The following MLLT1 variants were observed in gnomAD, a reference collection of about 807,000 sequenced individuals.
MLLT1 encodes protein ENL.
In MLLT1, 11 loss-of-function variants were observed where a neutral mutation model predicts 55.1. The ratio of observed to expected loss-of-function variants is 0.20; its 90% CI spans 0.13 to 0.33. The LOEUF (loss-of-function observed/expected upper bound fraction) is 0.33. Among genes scored for constraint, MLLT1 ranks in the 10% least tolerant of loss-of-function variants. The pLI, the probability that MLLT1 is intolerant of heterozygous loss-of-function variation, is 1.00. For synonymous variants in MLLT1, 323 were observed against 320.1 expected, an observed-to-expected ratio of 1.01 and a Z score of -0.10; for missense variants, 536 against 760.6, an observed-to-expected ratio of 0.70 and a Z score of 3.47.
At position 6,230,520 on chromosome 19, in the gene MLLT1, G is replaced by A; in HGVS notation, c.420+50C>T. On this transcript the variant is annotated intron_variant, in intron 4 of 11. Coordinates refer to ENST00000252674, the MANE Select transcript of MLLT1 (RefSeq NM_005934.4). The surrounding 1 kb of genome is among the most constrained non-coding windows in gnomAD (Gnocchi z 9.0). Reference sequence around the variant, plus strand: ...GCTGGGCACAGACGGCCGCAGCAAAGTAGCCTCGGTGGAGCGGCCCCTTGG... The same window carrying A: ...GCTGGGCACAGACGGCCGCAGCAAAATAGCCTCGGTGGAGCGGCCCCTTGG... 1.2e-6 allele frequency: 2 copies of A among 1,602,514 alleles called. No individual in the cohort carries two copies. The highest frequency in any genetic ancestry group is 4.5e-5 in the East Asian group (2 of 44,794).
rs2091015339 is a variant in MLLT1 at position 6,231,960 on chromosome 19, G to A, written c.277-1247C>T. Reference sequence around the variant, plus strand: ...TCATGGAAACAACGTGCATGGGCCGGGCGCGGTGGCTCACGCCTGTAACCC... The same window carrying A: ...TCATGGAAACAACGTGCATGGGCCGAGCGCGGTGGCTCACGCCTGTAACCC... On this transcript the variant is annotated intron_variant, in intron 3 of 11. Coordinates refer to ENST00000252674, the MANE Select transcript of MLLT1 (RefSeq NM_005934.4). The surrounding 1 kb of genome is among the most constrained non-coding windows in gnomAD (Gnocchi z 5.1). 6.6e-6 allele frequency among the ~76,000 whole-genome samples: 1 copy of A among 152,136 alleles called. No homozygotes were observed. Among genetic ancestry groups the A allele is most frequent in the Non-Finnish European group, 1.5e-5 (1 of 68,026 alleles).
chr19:6,239,506 G>C (rs1261494458), intron 3 of MLLT1, among the ~76,000 whole-genome samples: 2 of 152,168 alleles, frequency 1.3e-5, no homozygotes, highest in Admixed American at 1.3e-4. Context: ...CGGGCAGGGA[G>C]TTCAGAGGTG....
At position 6,213,105 on chromosome 19, in the gene MLLT1, G is replaced by A. The variant is rs752682249; in HGVS notation, c.1617C>T (p.Leu539=). Residue 539 remains leucine, a synonymous_variant, in exon 12 of 12, where the codon CTC becomes CTT. Coordinates refer to ENST00000252674, the MANE Select transcript of MLLT1 (RefSeq NM_005934.4). The stretch of plus-strand genomic sequence containing the variant: ...GCACGGTGGTCTCGTCCAGGGAGAA[G>A]AGGTCGAAGTCGAAGGTGGTGTTGG... ...NVTNTTFDFD[L]FSLDETTVRK... 4 of 1,613,958 alleles carry A rather than the reference G, an allele frequency of 2.5e-6. No individual in the cohort carries two copies. Among genetic ancestry groups the A allele is most frequent in the Non-Finnish European group, 3.4e-6 (4 of 1,179,880 alleles).
intron 3 of MLLT1, among the ~76,000 whole-genome samples, chr19:6,236,876 GC>G (rs1417353846): frequency 6.6e-6 from 1 of 152,230 alleles, no homozygotes; most frequent in African/African-American, 2.4e-5. Context: ...AGCGACTCCA[GC>G]CGGACTGTGC....
In MLLT1 at chr19:6,212,978, C is replaced by A; in HGVS notation, c.*64G>T. The A allele has an allele frequency of 6.3e-7, 1 of 1,587,878 alleles. No individual in the cohort carries two copies. The highest frequency in any genetic ancestry group is 8.6e-7 in the Non-Finnish European group (1 of 1,165,634). ...GGGCAGGCGAGACGGGAGAGGAGGG[C>A]AGGCGAGGCCTGGCTGCAGCCTCCC... On this transcript the variant is annotated 3_prime_UTR_variant, in exon 12 of 12. Coordinates refer to ENST00000252674, the MANE Select transcript of MLLT1 (RefSeq NM_005934.4).
intron 3 of MLLT1, among the ~76,000 whole-genome samples, chr19:6,247,527 A>G (rs2091179902): frequency 6.6e-6 from 1 of 152,254 alleles, no homozygotes; most frequent in African/African-American, 2.4e-5. Flanking sequence ...CCGTGTTGAT[A>G]CAAATAACTG....
intron 3 of MLLT1, among the ~76,000 whole-genome samples, chr19:6,261,126 AGGGGTGGCCCC>A (rs990374800): frequency 3.3e-5 from 5 of 152,226 alleles, no homozygotes; most frequent in African/African-American, 1.2e-4. Flanking sequence ...CACCTGGCAG[AGGGGTGGCCCC>A]ATAGGCCCAA....
In MLLT1 at chr19:6,270,505, G is replaced by A. The variant is rs1600219658; in HGVS notation, c.193+74C>T. The A allele has an allele frequency of 2.7e-6, 4 of 1,480,260 alleles. No individual in the cohort carries two copies. Among genetic ancestry groups the A allele is most frequent in the Non-Finnish European group, 3.6e-6 (4 of 1,097,834 alleles). 91.7% of individuals were successfully genotyped at this position (1,480,260 alleles called of 1,614,324 possible). On this transcript the variant is annotated intron_variant, in intron 2 of 11. Transcript: ENST00000252674. This position sits in a 1 kb window ranked among gnomAD's most constrained non-coding sequence, Gnocchi z 7.1. ...GGGTCCTGCTGCTCCTGAGGGAGGG[G>A]TGGAGCCTGGCCTTGGGAGGAGTGA...
At position 6,227,172 on chromosome 19, in the gene MLLT1, G is replaced by A; in HGVS notation, c.421-70C>T. Reference sequence around the variant, plus strand: ...GGGGGCCCACACGGGCCGGGCTGAAGGTGGTGGGGCTTCCCTCTGCAGGAG... The same window carrying A: ...GGGGGCCCACACGGGCCGGGCTGAAAGTGGTGGGGCTTCCCTCTGCAGGAG... On this transcript the variant is annotated intron_variant, in intron 4 of 11. Coordinates refer to ENST00000252674, the MANE Select transcript of MLLT1 (RefSeq NM_005934.4). This position sits in a 1 kb window ranked among gnomAD's most constrained non-coding sequence, Gnocchi z 5.1. 6.7e-7 allele frequency: 1 copy of A among 1,500,884 alleles called. No individual in the cohort carries two copies. Among genetic ancestry groups the A allele is most frequent in the South Asian group, 1.3e-5 (1 of 79,208 alleles). 93.0% of individuals were successfully genotyped at this position (1,500,884 alleles called of 1,614,324 possible).
chr19:6,271,649 C>T (rs948285602), intron 1 of MLLT1, among the ~76,000 whole-genome samples: 2 of 152,256 alleles, frequency 1.3e-5, no homozygotes, highest in South Asian at 2.1e-4. Context: ...TAAATATCCA[C>T]CCTGCTTTGT....
chr19:6,258,244 A>C, intron 3 of MLLT1, among the ~76,000 whole-genome samples: 1 of 149,636 alleles, frequency 6.7e-6, no homozygotes, highest in East Asian at 2.6e-4. Flanking sequence ...AAACAGCCCA[A>C]ACGTCTATCC....
intron 3 of MLLT1, among the ~76,000 whole-genome samples, chr19:6,233,694 A>G (rs1030470170): frequency 1.3e-5 from 2 of 152,228 alleles, no homozygotes; most frequent in African/African-American, 4.8e-5. Context: ...GAGGGATGCC[A>G]GGCCCTGGCG....
intron 3 of MLLT1, among the ~76,000 whole-genome samples, chr19:6,239,773 C>A (rs1055836570): frequency 6.6e-6 from 1 of 152,098 alleles, no homozygotes; most frequent in Admixed American, 6.5e-5. Context: ...TACACACCCA[C>A]TCACATCCAC....
rs2091409243 is a variant in MLLT1 at position 6,273,358 on chromosome 19, A to C, written c.13-2599T>G. Among the ~76,000 whole-genome samples, 1 of 152,192 alleles carries C rather than the reference A, an allele frequency of 6.6e-6. No homozygotes were observed. The stretch of plus-strand genomic sequence containing the variant: ...ATTCAGGTAACCCCAAGATCCGGGC[A>C]GCAGGGACATTCACGACCCCAGTGT... On this transcript the variant is annotated intron_variant, in intron 1 of 11. Transcript: ENST00000252674. This position sits in a 1 kb window ranked among gnomAD's most constrained non-coding sequence, Gnocchi z 4.3.
intron 3 of MLLT1, among the ~76,000 whole-genome samples, chr19:6,252,499 G>A (rs140489597): frequency 3.6e-3 from 551 of 152,308 alleles, no homozygotes; most frequent in Non-Finnish European, 5.7e-3. Flanking sequence ...GGTCAAAGAA[G>A]AAATCACTGG....
chr19:6,220,954 A>G (rs2090891551), intron 6 of MLLT1, among the ~76,000 whole-genome samples: 1 of 152,096 alleles, frequency 6.6e-6, no homozygotes, highest in South Asian at 2.1e-4. Context: ...CTGCCAAGCC[A>G]TGGGAGCACC....
intron 8 of MLLT1, among the ~76,000 whole-genome samples, chr19:6,215,357 C>T (rs983800937): frequency 1.3e-5 from 2 of 152,256 alleles, no homozygotes; most frequent in African/African-American, 2.4e-5. Context: ...TGAATGTCAC[C>T]GAACGAGGCG....
At chr19:6,255,929 C>T (rs950961805) in intron 3 of MLLT1, among the ~76,000 whole-genome samples, 2 of 152,178 alleles carry the variant, frequency 1.3e-5, no homozygotes, top group Admixed American at 6.5e-5. Context: ...GAGTTCAAGA[C>T]CAGCCTGGGC....
intron 3 of MLLT1, among the ~76,000 whole-genome samples, chr19:6,242,364 T>C (rs923511564): frequency 2.0e-5 from 3 of 152,190 alleles, no homozygotes; most frequent in African/African-American, 7.2e-5. Flanking sequence ...CTTAAGGCTA[T>C]GAGGCCAGTG....
Sources: allele counts gnomAD v4.1 joint callset (sites outside exome capture counted in the v4.1 genomes callset), GRCh38; gene constraint gnomAD v4.1.1; non-coding constraint Gnocchi (gnomAD v3.1); transcripts MANE v1.5; gene names NCBI Gene and HGNC (gene_info 2026-07-23, HGNC 2026-07-21).